CHD2: variants seen among roughly 807,000 people sequenced by gnomAD.
CHD2 encodes the protein ATP-dependent chromatin remodeler CHD2.
Under a neutral mutation model 243.9 loss-of-function variants are expected in CHD2, and 28 were observed. That is an observed-to-expected ratio of 0.11 (90% CI 0.09 to 0.16). The LOEUF is 0.16. CHD2 is among the 10% of genes least tolerant of loss of function. CHD2 has a pLI of 1.00. For missense variants in CHD2, 1,386 were observed against 2,209.8 expected (o/e 0.63, Z 7.47); for synonymous variants, 775 against 779.0 (o/e 0.99, Z 0.09).
intron 2 of CHD2, among the ~76,000 whole-genome samples, chr15:92,910,517 C>G (rs143835085): frequency 0.012 from 1,831 of 152,172 alleles, 19 homozygotes; most frequent in South Asian, 0.03. Context: ...ATCAGCCTCC[C>G]GAGTGGTTGG....
intron 17 of CHD2, among the ~76,000 whole-genome samples, chr15:92,970,488 C>G (rs895511846): frequency 2.0e-5 from 3 of 152,186 alleles, no homozygotes; most frequent in Admixed American, 2.0e-4. Context: ...AGGTGTGAGC[C>G]ACCGCACCTG....
At chr15:92,953,769 A>T (rs1460829557) in intron 14 of CHD2, 196 bp downstream of exon 14, 4 of 581,910 alleles carry the variant, frequency 6.9e-6, no homozygotes, top group Non-Finnish European at 9.1e-6. Context: ...TACTAGTTAA[A>T]AAGCAACAGC....
chr15:93,020,740 G>C lies in CHD2; in HGVS notation c.5153+482G>C, dbSNP rs569654438. 464 of 180,888 alleles carry C rather than the reference G, an allele frequency of 2.6e-3. 2 individuals are homozygous for C. Among genetic ancestry groups the C allele is most frequent in the African/African-American group, 0.01 (440 of 42,552 alleles). 11.2% of individuals were successfully genotyped at this position (180,888 alleles called of 1,614,324 possible). ...ACATTGTGAGAGTAGCAAGTCCAGG[G>C]AGAGCTAAAGAGGTTTTATCTGTAT... On this transcript the variant is annotated intron_variant, in intron 38 of 38. Coordinates refer to ENST00000394196, the MANE Select transcript of CHD2 (RefSeq NM_001271.4).
At chr15:92,964,309 T>A (rs1258991604) in intron 16 of CHD2, among the ~76,000 whole-genome samples, 1 of 152,226 alleles carries the variant, frequency 6.6e-6, no homozygotes, top group East Asian at 1.9e-4. Context: ...CACAAAGATA[T>A]GTATATGAAA....
intron 21 of CHD2, among the ~76,000 whole-genome samples, chr15:92,978,859 T>A (rs1202352459): frequency 6.6e-6 from 1 of 152,218 alleles, no homozygotes; most frequent in Non-Finnish European, 1.5e-5. Flanking sequence ...TTTGTGGAAC[T>A]TTCCATCACT....
At chr15:92,903,538 A>T (rs1279536689) in intron 2 of CHD2, among the ~76,000 whole-genome samples, 1 of 152,196 alleles carries the variant, frequency 6.6e-6, no homozygotes, top group Non-Finnish European at 1.5e-5. Context: ...AAAGTCTGTT[A>T]TACTTTATCA....
chr15:92,927,370 C>A, intron 4 of CHD2, 40 bp downstream of exon 4: 1 of 1,388,040 alleles, frequency 7.2e-7, no homozygotes, highest in Non-Finnish European at 1.0e-6. Flanking sequence ...TTTAAACTCC[C>A]TATCTTACTT....
chr15:92,999,035 G>GA (rs1373385697), intron 31 of CHD2, among the ~76,000 whole-genome samples: 1 of 135,384 alleles, frequency 7.4e-6, no homozygotes, highest in African/African-American at 2.9e-5. Flanking sequence ...AGTGAGCCGA[G>GA]TTCGGGCCAC....
intron 7 of CHD2, 148 bp from the exon 8 acceptor site, chr15:92,941,674 C>G: frequency 1.4e-6 from 1 of 727,290 alleles, no homozygotes; most frequent in Non-Finnish European, 2.2e-6. Context: ...AAAAAGTAAG[C>G]TTTGAGCCTA....
At chr15:92,929,782 G>T (rs1403339877) in intron 5 of CHD2, among the ~76,000 whole-genome samples, 1 of 152,002 alleles carries the variant, frequency 6.6e-6, no homozygotes, top group African/African-American at 2.4e-5. Flanking sequence ...TACCAGTTCA[G>T]GGGTTCTCAT....
In CHD2 at chr15:92,900,489, T is replaced by G; in HGVS notation, c.-407T>G. 2.5e-6 allele frequency: 1 copy of G among 396,300 alleles called. No individual in the cohort carries two copies. Among genetic ancestry groups the G allele is most frequent in the Non-Finnish European group, 4.5e-6 (1 of 224,432 alleles). The allele number at this position is 396,300 out of a possible 1,614,324, so 24.5% of individuals were successfully genotyped here. A position where few individuals can be genotyped will look rare whatever the true frequency, so the allele number is the denominator to read the frequency against. On this transcript the variant is annotated 5_prime_UTR_variant, in exon 1 of 39. Coordinates refer to ENST00000394196, the MANE Select transcript of CHD2 (RefSeq NM_001271.4). ...GGACTTACTGGGGTCGATTCGAACC[T>G]TTTTTTGGGAGAAAAGCAGCTTTTA...
intron 13 of CHD2, among the ~76,000 whole-genome samples, chr15:92,952,624 A>G (rs2053568077): frequency 6.6e-6 from 1 of 152,178 alleles, no homozygotes; most frequent in South Asian, 2.1e-4. Context: ...GAGCTCAGGC[A>G]CTAATGCCAG....
At chr15:92,902,315 T>C in intron 2 of CHD2, 1 of 396,046 alleles carries the variant, frequency 2.5e-6, no homozygotes, top group Non-Finnish European at 4.5e-6. Context: ...GACCTCTGTA[T>C]ATTAATTTTT....
chr15:92,908,393 TTG>T (rs2052662551), intron 2 of CHD2, among the ~76,000 whole-genome samples: 1 of 152,162 alleles, frequency 6.6e-6, no homozygotes, highest in Admixed American at 6.5e-5. Flanking sequence ...GTCTTAAGAT[TTG>T]TGTGTTTTGG....
chr15:92,994,477 A>G (rs1336065973), intron 28 of CHD2, among the ~76,000 whole-genome samples: 1 of 152,064 alleles, frequency 6.6e-6, no homozygotes, highest in African/African-American at 2.4e-5. Context: ...AAGAGAGTCA[A>G]AACTTATTTT....
chr15:92,989,927 G>A (rs1311407359), intron 26 of CHD2, among the ~76,000 whole-genome samples: 1 of 152,212 alleles, frequency 6.6e-6, no homozygotes, highest in Non-Finnish European at 1.5e-5. Context: ...ACCTGCACAT[G>A]TCAGAGCTTT....
intron 23 of CHD2, 97 bp downstream of exon 23, chr15:92,981,008 G>A: frequency 2.4e-6 from 2 of 832,166 alleles, no homozygotes; most frequent in Admixed American, 2.5e-5. Context: ...CTTTTGTAAA[G>A]AAAAAGTAAT....
At chr15:92,914,781 A>C (rs561683767) in intron 2 of CHD2, among the ~76,000 whole-genome samples, 3 of 152,334 alleles carry the variant, frequency 2.0e-5, no homozygotes, top group African/African-American at 4.8e-5. Context: ...TTAACAAATT[A>C]GGTAGCACCC....
intron 9 of CHD2, 99 bp downstream of exon 9, chr15:92,943,167 G>T: frequency 2.1e-6 from 2 of 966,772 alleles, no homozygotes; most frequent in Non-Finnish European, 3.1e-6. Flanking sequence ...TAGAATCTCA[G>T]ATTTTGCTTT....
Sources: gnomAD v4.1 joint callset for allele counts (sites outside exome capture counted in the v4.1 genomes callset) on GRCh38, gnomAD v4.1.1 for gene constraint, MANE v1.5 for transcripts, NCBI Gene and HGNC (gene_info 2026-07-23, HGNC 2026-07-21) for gene names.